Variants in PSME4 observed in about 807,000 individuals in gnomAD.
PSME4 encodes proteasome activator complex subunit 4.
In PSME4, 89 loss-of-function variants were observed where a neutral mutation model predicts 253.9. That is an observed-to-expected ratio of 0.35 (90% CI 0.30 to 0.42). The LOEUF (loss-of-function observed/expected upper bound fraction) is 0.42, where lower values mean the gene tolerates loss of function less well. PSME4 is among the 10% of genes least tolerant of loss of function. The pLI is 1.00. For synonymous variants in PSME4, 851 were observed against 759.2 expected, an observed-to-expected ratio of 1.12 and a Z score of -1.99; for missense variants, 2,014 against 2,195.2, an observed-to-expected ratio of 0.92 and a Z score of 1.65.
chr2:53,910,498 C>G (rs1380121801), intron 20 of PSME4, among the ~76,000 whole-genome samples: 2 of 152,222 alleles, frequency 1.3e-5, no homozygotes, highest in Non-Finnish European at 2.9e-5. Context: ...ATAGAGCTGA[C>G]AAGCTTATTT....
chr2:53,933,958 C>CTAAA (rs1668982977), intron 8 of PSME4, among the ~76,000 whole-genome samples: 1 of 151,966 alleles, frequency 6.6e-6, no homozygotes, highest in Non-Finnish European at 1.5e-5. Context: ...AAGAAGTAAA[C>CTAAA]TTTTAAACAA....
intron 45 of PSME4, 81 bp from the exon 46 acceptor site, chr2:53,866,304 C>T (rs1219506343): frequency 1.2e-5 from 18 of 1,463,968 alleles, no homozygotes; most frequent in Middle Eastern, 1.8e-4. Context: ...GTTAAATTAC[C>T]GTCCCTCTAG....
At chr2:53,908,256 A>C in intron 24 of PSME4, 64 bp downstream of exon 24, 1 of 1,295,474 alleles carries the variant, frequency 7.7e-7, no homozygotes, top group East Asian at 2.4e-5. Flanking sequence ...AATAATACCC[A>C]AATTACGAGG....
chr2:53,864,609 C>G lies in PSME4; in HGVS notation c.*969G>C, dbSNP rs1436496617. 6.6e-6 allele frequency: 1 copy of G among 152,556 alleles called. No homozygotes were observed. Among genetic ancestry groups the G allele is most frequent in the Non-Finnish European group, 1.5e-5 (1 of 68,024 alleles). 9.5% of individuals were successfully genotyped at this position (152,556 alleles called of 1,614,324 possible). A position where few individuals can be genotyped will look rare whatever the true frequency, so the allele number is the denominator to read the frequency against. The stretch of plus-strand genomic sequence containing the variant: ...GTAAAAGGTTGCATCTGTACAATGT[C>G]TTGCCAATGCTATCTCTACAGTTTA... On this transcript the variant is annotated 3_prime_UTR_variant, in exon 47 of 47. Coordinates refer to ENST00000404125, the MANE Select transcript of PSME4 (RefSeq NM_014614.3).
rs1678584541 is a variant in PSME4, at chr2:53,866,775, G to A, written c.5369C>T (p.Ala1790Val). The A allele has an allele frequency of 1.9e-6, 3 of 1,613,762 alleles. No homozygotes were observed. Among genetic ancestry groups the A allele is most frequent in the Non-Finnish European group, 2.5e-6 (3 of 1,179,754 alleles). ...WMPQLLMNLS[A>V]HLNDPQPIEM... Reference sequence around the variant, plus strand: ...AATAGGCTGAGGATCATTTAGATGTGCACTGAGATTCATGAGGAGCTGGGG... The same window carrying A: ...AATAGGCTGAGGATCATTTAGATGTACACTGAGATTCATGAGGAGCTGGGG... The change falls in exon 45 of 47, where the codon GCA (alanine) becomes GTA (valine). Residue 1790 changes from alanine to valine, a missense_variant. Transcript: ENST00000404125.
chr2:53,889,677 T>G (rs530222653), intron 37 of PSME4, among the ~76,000 whole-genome samples: 2 of 152,228 alleles, frequency 1.3e-5, no homozygotes, highest in Non-Finnish European at 2.9e-5. Context: ...TCAATCAAAG[T>G]ACACGAGCTA....
intron 20 of PSME4, among the ~76,000 whole-genome samples, chr2:53,918,877 TCAG>T (rs1206234087): frequency 6.6e-6 from 1 of 152,186 alleles, no homozygotes; most frequent in Non-Finnish European, 1.5e-5. Flanking sequence ...CTTAATTAAC[TCAG>T]TAAACTAAGA....
chr2:53,926,161 T>TA, intron 12 of PSME4, 138 bp from the exon 13 acceptor site: 1 of 620,014 alleles, frequency 1.6e-6, no homozygotes, highest in Admixed American at 3.1e-5. Flanking sequence ...AGCACCATGC[T>TA]AGACTTCATC....
Position 53,936,689 on chromosome 2 carries a change from A to C in PSME4, c.759+75T>G, listed in dbSNP as rs965873973. 6 of 1,091,444 alleles carry C rather than the reference A, an allele frequency of 5.5e-6. No individual in the cohort carries two copies. In the African/African-American group the frequency reaches 6.6e-5, roughly 12 times the overall value. 67.6% of individuals were successfully genotyped at this position (1,091,444 alleles called of 1,614,324 possible). On this transcript the variant is annotated intron_variant, in intron 6 of 46. Transcript: ENST00000404125. The stretch of plus-strand genomic sequence containing the variant: ...AAATGATCTATTAATATTTATCTCC[A>C]AATTAAAAAAGTATGGGGGGGAAAA...
Position 53,895,819 on chromosome 2 carries a change from A to T in PSME4, c.3689-83T>A, listed in dbSNP as rs698856. On this transcript the variant is annotated intron_variant, in intron 32 of 46. Transcript: ENST00000404125. ...CCAAATTTCAATCAACAGTACCAGC[A>T]TAACTTTGTCTTCACAAAACAACAC... The T allele has an allele frequency of 2.1e-4, 260 of 1,252,958 alleles. 2 individuals are homozygous for T. In the East Asian group the frequency reaches 6.0e-3, roughly 29 times the overall value. The allele number at this position is 1,252,958 out of a possible 1,614,324, so 77.6% of individuals were successfully genotyped here. A position where few individuals can be genotyped will look rare whatever the true frequency, so the allele number is the denominator to read the frequency against.
chr2:53,871,733 G>C (rs1678887186), intron 43 of PSME4, among the ~76,000 whole-genome samples: 1 of 152,216 alleles, frequency 6.6e-6, no homozygotes. Context: ...GGTGGTGATT[G>C]GCAGGGCATG....
chr2:53,875,059 C>T (rs754709697), intron 42 of PSME4, among the ~76,000 whole-genome samples: 2 of 152,218 alleles, frequency 1.3e-5, no homozygotes, highest in Non-Finnish European at 2.9e-5. Flanking sequence ...TTGGTAGCAA[C>T]AGCAGGGTCT....
chr2:53,914,385 T>G (rs561062757), intron 20 of PSME4, among the ~76,000 whole-genome samples: 41 of 152,344 alleles, frequency 2.7e-4, no homozygotes, highest in African/African-American at 9.9e-4. Context: ...ACCACAAATA[T>G]TTCTCTTAAA....
At chr2:53,950,236 C>A (rs1248078259) in intron 1 of PSME4, among the ~76,000 whole-genome samples, 1 of 151,336 alleles carries the variant, frequency 6.6e-6, no homozygotes, top group African/African-American at 2.4e-5. Flanking sequence ...GCTGGGATGG[C>A]GCCACTATGC....
chr2:53,890,488 G>C (rs774043687), intron 36 of PSME4, among the ~76,000 whole-genome samples: 2 of 152,102 alleles, frequency 1.3e-5, no homozygotes, highest in South Asian at 2.1e-4. Flanking sequence ...TTTATGTTTT[G>C]TAAAAACAGG....
At chr2:53,941,937 G>C (rs1669474542) in intron 3 of PSME4, among the ~76,000 whole-genome samples, 1 of 152,022 alleles carries the variant, frequency 6.6e-6, no homozygotes, top group African/African-American at 2.4e-5. Context: ...AGTCATAAAA[G>C]GCTGCAAAGC....
chr2:53,934,472 A>T, intron 8 of PSME4, 133 bp downstream of exon 8: 1 of 888,410 alleles, frequency 1.1e-6, no homozygotes, highest in Non-Finnish European at 1.7e-6. Context: ...TGAGCTTGCT[A>T]AATCAGAAAA....
At chr2:53,895,464 T>A in intron 33 of PSME4, 119 bp downstream of exon 33, 2 of 1,002,058 alleles carry the variant, frequency 2.0e-6, no homozygotes, top group South Asian at 3.4e-5. Context: ...AAGAGAGGAC[T>A]AGGGAAGGGG....
chr2:53,897,404 G>C (rs1473618818), intron 31 of PSME4, among the ~76,000 whole-genome samples: 1 of 151,806 alleles, frequency 6.6e-6, no homozygotes, highest in Non-Finnish European at 1.5e-5. Context: ...CCTGACCTCA[G>C]GTGATCCACC....
Sources: gnomAD v4.1 joint callset for allele counts (sites outside exome capture counted in the v4.1 genomes callset) on GRCh38, gnomAD v4.1.1 for gene constraint, MANE v1.5 for transcripts, NCBI Gene and HGNC (gene_info 2026-07-23, HGNC 2026-07-21) for gene names.